RBMS3: variants seen among roughly 807,000 people sequenced by gnomAD.
RBMS3 encodes RNA-binding motif, single-stranded-interacting protein 3.
RBMS3 carries 27 observed loss-of-function variants against 66.8 expected under a neutral mutation model. The observed-to-expected ratio is 0.40, with a 90% CI of 0.30 to 0.56. The LOEUF (loss-of-function observed/expected upper bound fraction) is 0.56. Among genes scored for constraint, RBMS3 ranks in the 20% least tolerant of loss-of-function variants. The pLI, the probability that RBMS3 is intolerant of heterozygous loss-of-function variation, is 0.40. For missense variants in RBMS3, 513 were observed against 549.5 expected (o/e 0.93, Z 0.66); for synonymous variants, 188 against 183.0 (o/e 1.03, Z -0.22).
chr3:29,457,882 G>C (rs1263554012), intron 2 of RBMS3, among the ~76,000 whole-genome samples: 1 of 149,750 alleles, frequency 6.7e-6, no homozygotes, highest in African/African-American at 2.5e-5. Flanking sequence ...ATGATTGCCA[G>C]GTTGTCTTTT....
chr3:29,434,696 T>G, intron 1 of RBMS3, 47 bp from the exon 2 acceptor site: 1 of 1,579,976 alleles, frequency 6.3e-7, no homozygotes, highest in East Asian at 2.2e-5. Context: ...GGCCTGTGAA[T>G]AGGTGCTGGC....
intron 10 of RBMS3, 148 bp from the exon 11 acceptor site, chr3:29,935,938 T>A (rs1207959343): frequency 1.6e-6 from 1 of 630,946 alleles, no homozygotes; most frequent in Non-Finnish European, 2.7e-6. Context: ...TGAATGGACA[T>A]AAAAATTATA....
At chr3:29,701,151 C>T (rs1315495613) in intron 4 of RBMS3, among the ~76,000 whole-genome samples, 1 of 152,058 alleles carries the variant, frequency 6.6e-6, no homozygotes, top group East Asian at 1.9e-4. Context: ...GTGGCGGGCT[C>T]CTGTAATCCC....
intron 8 of RBMS3, among the ~76,000 whole-genome samples, chr3:29,884,455 T>TCTCTCC (rs2059814627): frequency 7.4e-6 from 1 of 135,722 alleles, no homozygotes; most frequent in East Asian, 2.1e-4. Context: ...TCTCTCTCTC[T>TCTCTCC]CTCTCTCTCT....
At chr3:29,808,450 A>G (rs2057625936) in intron 6 of RBMS3, among the ~76,000 whole-genome samples, 2 of 152,148 alleles carry the variant, frequency 1.3e-5, no homozygotes, top group African/African-American at 4.8e-5. Flanking sequence ...AATGAAAAGG[A>G]AAATGCCAAA....
chr3:29,720,065 G>A (rs187235564), intron 4 of RBMS3, among the ~76,000 whole-genome samples: 25 of 151,952 alleles, frequency 1.6e-4, no homozygotes, highest in African/African-American at 5.8e-4. Context: ...ATGTGATCTG[G>A]CCCCTGCCTA....
intron 3 of RBMS3, among the ~76,000 whole-genome samples, chr3:29,536,014 A>G (rs1183136667): frequency 6.6e-5 from 10 of 152,054 alleles, no homozygotes; most frequent in Non-Finnish European, 1.5e-5. Flanking sequence ...TTGAATCTTC[A>G]CAGAATTAGC....
chr3:29,891,178 A>G (rs2059993286), intron 8 of RBMS3, among the ~76,000 whole-genome samples: 1 of 151,632 alleles, frequency 6.6e-6, no homozygotes, highest in Non-Finnish European at 1.5e-5. Context: ...ATTAATACAG[A>G]AACATGACAC....
intron 4 of RBMS3, among the ~76,000 whole-genome samples, chr3:29,738,955 A>G (rs1025558443): frequency 1.3e-5 from 2 of 152,238 alleles, no homozygotes; most frequent in East Asian, 3.8e-4. Flanking sequence ...TTTGTCATCC[A>G]TAAAATGGTA....
intron 7 of RBMS3, among the ~76,000 whole-genome samples, chr3:29,876,111 A>G (rs541090004): frequency 6.6e-6 from 1 of 152,262 alleles, no homozygotes; most frequent in East Asian, 1.9e-4. Context: ...TGTCAAAAGG[A>G]CTTTTAATAG....
intron 1 of RBMS3, among the ~76,000 whole-genome samples, chr3:29,367,752 A>G (rs2037986968): frequency 6.6e-6 from 1 of 152,178 alleles, no homozygotes; most frequent in Admixed American, 6.6e-5. Flanking sequence ...AAAAGAGGCA[A>G]ATAATATTCC....
intron 7 of RBMS3, among the ~76,000 whole-genome samples, chr3:29,871,983 A>G (rs1291793713): frequency 6.6e-6 from 1 of 150,628 alleles, no homozygotes; most frequent in African/African-American, 2.4e-5. Flanking sequence ...ATATAAATAT[A>G]TGCTAGTGGC....
At chr3:29,897,333 G>T in intron 8 of RBMS3, 46 bp from the exon 9 acceptor site, 1 of 1,531,470 alleles carries the variant, frequency 6.5e-7, no homozygotes, top group Non-Finnish European at 9.0e-7. Context: ...TAGAGGCCAG[G>T]CATGTAGCAG....
At chr3:29,760,892 A>T (rs1381052366) in intron 5 of RBMS3, among the ~76,000 whole-genome samples, 4 of 151,930 alleles carry the variant, frequency 2.6e-5, no homozygotes, top group African/African-American at 7.3e-5. Flanking sequence ...TTGCATAAAG[A>T]GTTTTCTTTT....
chr3:29,651,589 C>T (rs542770623), intron 4 of RBMS3, among the ~76,000 whole-genome samples: 14 of 151,964 alleles, frequency 9.2e-5, no homozygotes, highest in Middle Eastern at 3.4e-3. Flanking sequence ...ATACACACAC[C>T]GAAAAACCAC....
chr3:29,890,717 A>G (rs76896998), intron 8 of RBMS3, among the ~76,000 whole-genome samples: 4,992 of 151,704 alleles, frequency 0.033, 277 homozygotes, highest in African/African-American at 0.11. Context: ...ACAAAGTACT[A>G]TAAGATATAT....
At chr3:29,703,460 C>T (rs531781794) in intron 4 of RBMS3, among the ~76,000 whole-genome samples, 1 of 152,188 alleles carries the variant, frequency 6.6e-6, no homozygotes, top group African/African-American at 2.4e-5. Flanking sequence ...AGGAGAACAT[C>T]TGAATATCAG....
intron 4 of RBMS3, among the ~76,000 whole-genome samples, chr3:29,674,466 C>G (rs755975838): frequency 1.3e-5 from 2 of 152,018 alleles, no homozygotes; most frequent in African/African-American, 4.8e-5. Context: ...GTCAAATTGT[C>G]CCCGTTTGCA....
intron 1 of RBMS3, among the ~76,000 whole-genome samples, chr3:29,389,300 C>T (rs762694541): frequency 2.0e-5 from 3 of 152,078 alleles, no homozygotes; most frequent in Non-Finnish European, 4.4e-5. Context: ...TGATCTCAAC[C>T]TCTGATAAGG....
Sources: allele counts gnomAD v4.1 joint callset (sites outside exome capture counted in the v4.1 genomes callset), GRCh38; gene constraint gnomAD v4.1.1; transcripts MANE v1.5; gene names NCBI Gene and HGNC (gene_info 2026-07-23, HGNC 2026-07-21).